The following PPM1L variants were observed in gnomAD, a reference collection of about 807,000 sequenced individuals.
PPM1L encodes protein phosphatase 1L.
A neutral mutation model predicts 31.4 loss-of-function variants in PPM1L; 13 were observed. The ratio of observed to expected loss-of-function variants is 0.41; its 90% CI spans 0.27 to 0.66. PPM1L has a LOEUF of 0.66. Ranked by LOEUF, PPM1L falls within the 30% of genes least tolerant of loss-of-function variation. The probability of loss-of-function intolerance (pLI) is 0.29; values close to 1 mark genes in which losing one functional copy is unlikely to be tolerated. For missense variants in PPM1L, 326 were observed against 453.7 expected (o/e 0.72, Z 2.56); for synonymous variants, 184 against 175.4 (o/e 1.05, Z -0.39).
At chr3:160,827,483 G>GTT (rs1713392046) in intron 1 of PPM1L, among the ~76,000 whole-genome samples, 1 of 150,480 alleles carries the variant, frequency 6.6e-6, no homozygotes, top group Non-Finnish European at 1.5e-5. Context: ...GTGTGTGTGT[G>GTT]TATGTATGTG....
At chr3:160,891,734 C>A (rs966217647) in intron 1 of PPM1L, among the ~76,000 whole-genome samples, 4 of 152,196 alleles carry the variant, frequency 2.6e-5, no homozygotes, top group Non-Finnish European at 5.9e-5. Flanking sequence ...ACAGCAAAGT[C>A]ATGGAACCAA....
At chr3:160,771,159 A>G (rs1246715957) in intron 1 of PPM1L, among the ~76,000 whole-genome samples, 2 of 152,222 alleles carry the variant, frequency 1.3e-5, no homozygotes, top group African/African-American at 2.4e-5. Flanking sequence ...TTGAATTTGT[A>G]TAAATTTGTA....
chr3:160,997,175 A>T (rs545632214), intron 2 of PPM1L, among the ~76,000 whole-genome samples: 7 of 152,108 alleles, frequency 4.6e-5, no homozygotes, highest in African/African-American at 1.4e-4. Flanking sequence ...TAGATGGTCT[A>T]TGTGGACTGT....
intron 1 of PPM1L, among the ~76,000 whole-genome samples, chr3:160,928,629 A>C (rs6770488): frequency 0.83 from 125,611 of 152,116 alleles, 52,083 homozygotes; most frequent in Middle Eastern, 0.89. Context: ...ATCCCCAGTG[A>C]ACAGTATTAT....
chr3:160,974,392 T>C (rs1047256414), intron 2 of PPM1L, among the ~76,000 whole-genome samples: 6 of 152,170 alleles, frequency 3.9e-5, no homozygotes, highest in African/African-American at 1.2e-4. Flanking sequence ...TATCCAGTAA[T>C]GGGATGGCTG....
chr3:160,837,966 G>A (rs543593391), intron 1 of PPM1L, among the ~76,000 whole-genome samples: 11 of 152,288 alleles, frequency 7.2e-5, no homozygotes, highest in Admixed American at 1.3e-4. Context: ...AGCCCTTGGT[G>A]TGGGGTAGAC....
chr3:160,882,527 G>C (rs1477834012), intron 1 of PPM1L, among the ~76,000 whole-genome samples: 2 of 152,130 alleles, frequency 1.3e-5, no homozygotes, highest in Admixed American at 1.3e-4. Flanking sequence ...TATTGGATTA[G>C]TTTCCTAGGG....
chr3:160,954,271 C>T (rs1007108756), intron 1 of PPM1L, among the ~76,000 whole-genome samples: 2 of 152,080 alleles, frequency 1.3e-5, no homozygotes, highest in Admixed American at 6.6e-5. Flanking sequence ...ATAAAAATCA[C>T]CCCAATTTAT....
intron 1 of PPM1L, among the ~76,000 whole-genome samples, chr3:160,855,293 A>G (rs1212089840): frequency 6.6e-6 from 1 of 152,174 alleles, no homozygotes; most frequent in African/African-American, 2.4e-5. Context: ...CCTAGGAAAT[A>G]CTATTCTGGA....
At chr3:160,974,794 T>A (rs2108027800) in intron 2 of PPM1L, among the ~76,000 whole-genome samples, 1 of 141,858 alleles carries the variant, frequency 7.0e-6, no homozygotes, top group East Asian at 2.0e-4. Context: ...ATGAGTAGGT[T>A]GCGAAAATTT....
At chr3:160,922,394 C>T (rs1323403021) in intron 1 of PPM1L, among the ~76,000 whole-genome samples, 1 of 152,184 alleles carries the variant, frequency 6.6e-6, no homozygotes, top group African/African-American at 2.4e-5. Context: ...TAGTTACTTT[C>T]TCAGGGATTT....
intron 1 of PPM1L, among the ~76,000 whole-genome samples, chr3:160,871,753 T>C (rs1029093353): frequency 2.0e-5 from 3 of 151,978 alleles, no homozygotes; most frequent in Admixed American, 6.6e-5. Flanking sequence ...TCCTCTGTTG[T>C]CTCCTTCCTT....
Position 161,051,018 on chromosome 3 carries a change from G to T in PPM1L, c.575-14385G>T, listed in dbSNP as rs185170774. 3.6e-3 allele frequency among the ~76,000 whole-genome samples: 543 copies of T among 152,016 alleles called. 2 individuals are homozygous for T. The highest frequency in any genetic ancestry group is 6.0e-3 in the Non-Finnish European group (407 of 67,982). On this transcript the variant is annotated intron_variant, in intron 2 of 3. Transcript: ENST00000498165. ...AGATTGCTTCTTTACCTCCTTCTTT[G>T]TGTCAAGAACCATATTAAACTATGT...
chr3:160,972,755 G>C (rs994225373), intron 2 of PPM1L, among the ~76,000 whole-genome samples: 4 of 152,030 alleles, frequency 2.6e-5, no homozygotes, highest in African/African-American at 4.8e-5. Context: ...TCTAGTTCTA[G>C]ATCCCTGAGG....
At chr3:160,976,230 G>T (rs1159935201) in intron 2 of PPM1L, among the ~76,000 whole-genome samples, 1 of 143,888 alleles carries the variant, frequency 6.9e-6, no homozygotes, top group Non-Finnish European at 1.5e-5. Flanking sequence ...AAGCCCACTT[G>T]ATCATGGTGG....
At chr3:161,039,557 C>G (rs930749174) in intron 2 of PPM1L, among the ~76,000 whole-genome samples, 4 of 152,166 alleles carry the variant, frequency 2.6e-5, no homozygotes, top group African/African-American at 9.7e-5. Flanking sequence ...GAGTCTCGCT[C>G]TGTCGCCCAG....
chr3:160,841,468 A>G (rs1367897605), intron 1 of PPM1L, among the ~76,000 whole-genome samples: 1 of 152,116 alleles, frequency 6.6e-6, no homozygotes, highest in East Asian at 1.9e-4. Flanking sequence ...TGAAATGGTG[A>G]TTGCCAGTAC....
chr3:161,049,911 C>T (rs1383138447), intron 2 of PPM1L, among the ~76,000 whole-genome samples: 2 of 152,204 alleles, frequency 1.3e-5, no homozygotes, highest in Admixed American at 6.5e-5. Context: ...AGAGCTGGCT[C>T]TCCCTGGTCA....
chr3:160,887,155 T>G (rs1280959793), intron 1 of PPM1L, among the ~76,000 whole-genome samples: 1 of 151,774 alleles, frequency 6.6e-6, no homozygotes, highest in African/African-American at 2.4e-5. Context: ...CAGACAAGAT[T>G]AGAGAAAAAA....
Sources: allele counts gnomAD v4.1 joint callset (sites outside exome capture counted in the v4.1 genomes callset), GRCh38; gene constraint gnomAD v4.1.1; transcripts MANE v1.5; gene names NCBI Gene and HGNC (gene_info 2026-07-23, HGNC 2026-07-21).